The following PRH1 variants were observed in gnomAD, a reference collection of about 807,000 sequenced individuals.
PRH1 encodes the protein proline rich protein HaeIII subfamily 1, also known as salivary acidic proline-rich phosphoprotein 1/2.
A neutral mutation model predicts 7.9 loss-of-function variants in PRH1; 7 were observed. The ratio of observed to expected loss-of-function variants is 0.89; its 90% CI spans 0.50 to 1.67. The LOEUF (loss-of-function observed/expected upper bound fraction) is 1.67. PRH1 is among the 40% of genes most tolerant of loss of function. PRH1 has a pLI of 0.00. For synonymous variants in PRH1, 45 were observed against 80.8 expected (o/e 0.56, Z 2.38); for missense variants, 109 against 223.6 (o/e 0.49, Z 3.27).
At chr12:10,931,223 G>A (rs1482987813) in intron 2 of PRH1, 9 of 1,489,094 alleles carry the variant, frequency 6.0e-6, no homozygotes, top group South Asian at 1.4e-5. Context: ...AATATTCTGG[G>A]ATAAGGTAGC....
At chr12:10,939,617 T>TATTTTGTAATATA (rs1565486173) in intron 2 of PRH1, among the ~76,000 whole-genome samples, 21 of 150,712 alleles carry the variant, frequency 1.4e-4, no homozygotes, top group African/African-American at 4.9e-4. Context: ...TGGGGAAGTA[T>TATTTTGTAATATA]CATTACAAAA....
chr12:11,134,026 T>A (rs1946470592), intron 1 of PRH1: 1 of 1,613,994 alleles, frequency 6.2e-7, no homozygotes, highest in African/African-American at 1.3e-5. Flanking sequence ...TATAAAAAGC[T>A]GGATTCAACT....
intron 2 of PRH1, among the ~76,000 whole-genome samples, chr12:10,897,910 A>T (rs914262075): frequency 6.6e-5 from 10 of 152,176 alleles, no homozygotes; most frequent in African/African-American, 2.4e-4. Context: ...CAACAAGCAC[A>T]ATAAAATGGC....
intron 1 of PRH1, chr12:11,077,271 T>G (rs1196725932): frequency 4.4e-6 from 1 of 228,012 alleles, no homozygotes; most frequent in African/African-American, 2.5e-5. Flanking sequence ...ACATCATCAG[T>G]TTGTTTTCTG....
In PRH1 at chr12:10,979,536, A is replaced by G. The variant is rs551105805; in HGVS notation, c.-125-5815T>C. Among the ~76,000 whole-genome samples the G allele has an allele frequency of 7.9e-5, 12 of 152,262 alleles. No individual in the cohort carries two copies. The South Asian group carries it at 2.5e-3, about 32-fold the overall frequency. On this transcript the variant is annotated intron_variant, in intron 1 of 3. Transcript: ENST00000539853. ...AACAGATCATTCAAATGATTATAGG[A>G]CTTCGTAAGGATTTTGGCCTTACTC...
rs202046395 is a variant in PRH1, at chr12:10,922,830, TC to T, written c.-58-38556del. On this transcript the variant is annotated intron_variant, in intron 2 of 3. Transcript: ENST00000539853. ...ATCTTTTCCATGAATTTTTTCTTTT[TC>T]TTTTTTTTGAGACGGAGTCTCGCTC... Among the ~76,000 whole-genome samples the T allele has an allele frequency of 1.4e-4, 15 of 104,982 alleles. 3 individuals are homozygous for T. Among genetic ancestry groups the T allele is most frequent in the East Asian group, 3.6e-4 (1 of 2,748 alleles). The allele number at this position is 104,982 out of a possible 152,430, so 68.9% of individuals were successfully genotyped here.
intron 2 of PRH1, among the ~76,000 whole-genome samples, chr12:10,967,909 A>C (rs1456174584): frequency 3.9e-5 from 6 of 152,176 alleles, no homozygotes; most frequent in Non-Finnish European, 8.8e-5. Context: ...GTTTAGTCCT[A>C]AAATCCTCTT....
intron 2 of PRH1, among the ~76,000 whole-genome samples, chr12:10,959,734 A>G (rs1201179003): frequency 6.6e-6 from 1 of 152,184 alleles, no homozygotes; most frequent in Non-Finnish European, 1.5e-5. Flanking sequence ...TATTAAAATG[A>G]TATATATGAA....
intron 2 of PRH1, among the ~76,000 whole-genome samples, chr12:10,958,383 G>A (rs757345402): frequency 9.2e-5 from 14 of 151,958 alleles, no homozygotes; most frequent in Non-Finnish European, 1.8e-4. Flanking sequence ...AGAAGGGAAC[G>A]ACAGACACCA....
chr12:11,137,951 A>C (rs554378350), intron 1 of PRH1, among the ~76,000 whole-genome samples: 13 of 149,842 alleles, frequency 8.7e-5, no homozygotes, highest in African/African-American at 2.0e-4. Context: ...GAACAATATT[A>C]TTCTTCTTCA....
intron 2 of PRH1, among the ~76,000 whole-genome samples, chr12:10,931,914 A>G (rs1018278184): frequency 2.0e-5 from 3 of 152,092 alleles, no homozygotes; most frequent in African/African-American, 7.2e-5. Context: ...CTGCTTTCAC[A>G]CTGTCCCTAT....
At chr12:10,994,982 A>G (rs12311490) in intron 1 of PRH1, among the ~76,000 whole-genome samples, 46,306 of 152,038 alleles carry the variant, frequency 0.3, 8,903 homozygotes, top group East Asian at 0.74. Context: ...CACACATCTG[A>G]TATAGCTGCA....
intron 2 of PRH1, chr12:10,909,434 A>C: frequency 1.6e-6 from 1 of 635,012 alleles, no homozygotes. Flanking sequence ...TTGTTGGCTC[A>C]ACGTCAAAGC....
In PRH1 at chr12:11,062,003, G is replaced by A. The variant is rs773498139; in HGVS notation, n.124-14815C>T. 1.5e-5 allele frequency: 24 copies of A among 1,613,734 alleles called. No individual in the cohort carries two copies. Among genetic ancestry groups the A allele is most frequent in the Admixed American group, 8.3e-5 (5 of 59,938 alleles). On this transcript the variant is annotated intron_variant and non_coding_transcript_variant, in intron 1 of 4. Coordinates refer to the PRH1 transcript ENST00000541977. Reference sequence around the variant, plus strand: ...TAAAATATGCTGAGGCTAGTAGCAAGCCAGTTGCTGAAATGGTTGATTACT... The same window carrying A: ...TAAAATATGCTGAGGCTAGTAGCAAACCAGTTGCTGAAATGGTTGATTACT...
At chr12:11,104,085 C>T (rs1394597019) in intron 1 of PRH1, among the ~76,000 whole-genome samples, 1 of 149,262 alleles carries the variant, frequency 6.7e-6, no homozygotes. Context: ...GATGTGGACA[C>T]TAGGATGTTC....
intron 1 of PRH1, among the ~76,000 whole-genome samples, chr12:10,979,532 T>C (rs188802045): frequency 7.2e-5 from 11 of 152,324 alleles, no homozygotes; most frequent in African/African-American, 2.4e-4. Context: ...CAAATGATTA[T>C]AGGACTTCGT....
intron 1 of PRH1, among the ~76,000 whole-genome samples, chr12:11,112,286 C>A (rs1383109213): frequency 6.6e-6 from 1 of 152,164 alleles, no homozygotes; most frequent in Non-Finnish European, 1.5e-5. Context: ...AGAGGGACTA[C>A]TCCTTAACTC....
At chr12:11,077,649 TA>T (rs1192334015) in intron 1 of PRH1, 2 of 1,277,428 alleles carry the variant, frequency 1.6e-6, no homozygotes, top group African/African-American at 2.9e-5. Context: ...GAGAACAGAT[TA>T]ACAGCAGAAA....
chr12:10,985,869 T>C (rs1411513357), intron 1 of PRH1: 2 of 1,302,538 alleles, frequency 1.5e-6, no homozygotes, highest in Non-Finnish European at 2.1e-6. Context: ...AAGTATAAAA[T>C]GTTCCAGACA....
Sources: allele counts gnomAD v4.1 joint callset (sites outside exome capture counted in the v4.1 genomes callset), GRCh38; gene constraint gnomAD v4.1.1; transcripts MANE v1.5; gene names NCBI Gene and HGNC (gene_info 2026-07-23, HGNC 2026-07-21).